NRXN1: variants seen among roughly 807,000 people sequenced by gnomAD.
NRXN1 encodes the protein neurexin 1, also known as neurexin-1.
NRXN1 carries 39 observed loss-of-function variants against 150.9 expected under a neutral mutation model. That is an observed-to-expected ratio of 0.26 (90% CI 0.20 to 0.34). The LOEUF (loss-of-function observed/expected upper bound fraction) is 0.34. Among genes scored for constraint, NRXN1 ranks in the 10% least tolerant of loss-of-function variants. The pLI is 1.00. For synonymous variants in NRXN1, 924 were observed against 757.0 expected, an observed-to-expected ratio of 1.22 and a Z score of -3.62; for missense variants, 1,815 against 1,949.9, an observed-to-expected ratio of 0.93 and a Z score of 1.30.
At chr2:50,801,169 T>G (rs538424454) in intron 5 of NRXN1, among the ~76,000 whole-genome samples, 1 of 152,172 alleles carries the variant, frequency 6.6e-6, no homozygotes, top group Non-Finnish European at 1.5e-5. Context: ...TCAGGCTTAT[T>G]TATGTCAAAG....
chr2:50,396,794 C>T (rs114622646), intron 17 of NRXN1, among the ~76,000 whole-genome samples: 2,230 of 152,090 alleles, frequency 0.015, 55 homozygotes, highest in African/African-American at 0.049. Flanking sequence ...GATGATTTCT[C>T]AAAGAAAAGA....
At position 49,947,781 on chromosome 2, in the gene NRXN1, T is replaced by C. The variant is rs1673215333; in HGVS notation, c.4129-3990A>G. 2.6e-5 allele frequency among the ~76,000 whole-genome samples: 4 copies of C among 152,048 alleles called. No individual in the cohort carries two copies. The South Asian group carries it at 8.3e-4, about 31-fold the overall frequency. On this transcript the variant is annotated intron_variant, in intron 21 of 22. Transcript: ENST00000401669. ...AACATTTAAAAACAGTTCTGTCTTA[T>C]TGTTCTCCTAAAAATATGGACAGCA... is the stretch of plus-strand genomic sequence containing the variant.
chr2:50,263,603 T>C (rs937655785), intron 17 of NRXN1, among the ~76,000 whole-genome samples: 7 of 152,030 alleles, frequency 4.6e-5, no homozygotes, highest in African/African-American at 1.4e-4. Flanking sequence ...ATTAAAAACA[T>C]AGGGACTTAA....
intron 10 of NRXN1, among the ~76,000 whole-genome samples, chr2:50,534,713 A>G (rs1486492432): frequency 6.6e-6 from 1 of 152,208 alleles, no homozygotes; most frequent in African/African-American, 2.4e-5. Flanking sequence ...TATAGATAAA[A>G]GGATCAAAAC....
At chr2:50,253,203 C>T (rs1423842065) in intron 17 of NRXN1, among the ~76,000 whole-genome samples, 4 of 152,046 alleles carry the variant, frequency 2.6e-5, no homozygotes, top group African/African-American at 9.7e-5. Flanking sequence ...CACGATTTGA[C>T]TCTCTCCTTG....
intron 18 of NRXN1, among the ~76,000 whole-genome samples, chr2:50,148,835 A>G (rs1463086114): frequency 6.6e-6 from 1 of 151,738 alleles, no homozygotes. Flanking sequence ...AATTCACCTG[A>G]GTCCTAAGGA....
chr2:50,400,246 C>A (rs2082310633), intron 17 of NRXN1, among the ~76,000 whole-genome samples: 1 of 152,060 alleles, frequency 6.6e-6, no homozygotes, highest in Non-Finnish European at 1.5e-5. Flanking sequence ...ACATATTTCC[C>A]ATATTCCAAT....
chr2:50,583,157 C>T (rs953548172), intron 8 of NRXN1, among the ~76,000 whole-genome samples: 2 of 151,994 alleles, frequency 1.3e-5, no homozygotes, highest in African/African-American at 4.8e-5. Flanking sequence ...TTCAAGCAAG[C>T]CTCCCATTTC....
At chr2:50,634,761 C>T (rs764217989) in intron 5 of NRXN1, among the ~76,000 whole-genome samples, 13 of 152,078 alleles carry the variant, frequency 8.5e-5, no homozygotes, top group Admixed American at 2.6e-4. Flanking sequence ...AAGACCTGGC[C>T]CTTCCAGTTT....
chr2:50,043,394 A>G (rs1691313784), intron 21 of NRXN1, among the ~76,000 whole-genome samples: 1 of 152,198 alleles, frequency 6.6e-6, no homozygotes, highest in African/African-American at 2.4e-5. Context: ...GTCAAGAAAC[A>G]TTACCAACTG....
intron 5 of NRXN1, among the ~76,000 whole-genome samples, chr2:50,916,065 A>T (rs1685174476): frequency 1.4e-5 from 2 of 146,172 alleles, no homozygotes; most frequent in Admixed American, 1.4e-4. Flanking sequence ...AAAATCTGTG[A>T]ATGGTTTCCT....
chr2:50,692,397 T>C (rs2104888230), intron 5 of NRXN1, among the ~76,000 whole-genome samples: 1 of 152,310 alleles, frequency 6.6e-6, no homozygotes, highest in Non-Finnish European at 1.5e-5. Context: ...TATGTGCTTG[T>C]TTTTAGATTG....
chr2:50,430,992 C>T (rs892249511), intron 17 of NRXN1, among the ~76,000 whole-genome samples: 28 of 152,188 alleles, frequency 1.8e-4, no homozygotes, highest in African/African-American at 6.5e-4. Context: ...TGAATGCATA[C>T]ATCACTGCCA....
intron 17 of NRXN1, among the ~76,000 whole-genome samples, chr2:50,343,326 AT>A (rs752564877): frequency 3.3e-5 from 5 of 152,180 alleles, no homozygotes; most frequent in Non-Finnish European, 5.9e-5. Context: ...CTCCCCACAT[AT>A]GGCACATCAC....
intron 2 of NRXN1, among the ~76,000 whole-genome samples, chr2:50,995,122 G>C (rs1699068634): frequency 6.6e-6 from 1 of 151,900 alleles, no homozygotes; most frequent in South Asian, 2.1e-4. Flanking sequence ...ATTTCAGAGA[G>C]AACTGCATTG....
intron 12 of NRXN1, among the ~76,000 whole-genome samples, chr2:50,515,652 C>A (rs906729046): frequency 7.0e-6 from 1 of 141,880 alleles, no homozygotes; most frequent in Non-Finnish European, 1.5e-5. Context: ...TCTGCATGCA[C>A]CTTTGTTAAA....
At chr2:50,262,930 T>TAAAGG in intron 17 of NRXN1, among the ~76,000 whole-genome samples, 1 of 152,008 alleles carries the variant, frequency 6.6e-6, no homozygotes, top group Non-Finnish European at 1.5e-5. Context: ...CCTTCATAGA[T>TAAAGG]ACCCAGTTAA....
At chr2:50,634,295 T>A (rs1682897083) in intron 5 of NRXN1, among the ~76,000 whole-genome samples, 1 of 152,202 alleles carries the variant, frequency 6.6e-6, no homozygotes, top group Admixed American at 6.5e-5. Context: ...TTTATGAAGT[T>A]ATAGAACATA....
At chr2:50,103,161 C>A (rs1339166356) in intron 18 of NRXN1, among the ~76,000 whole-genome samples, 1 of 152,058 alleles carries the variant, frequency 6.6e-6, no homozygotes, top group African/African-American at 2.4e-5. Context: ...CAGGGACTCA[C>A]ATCTTTTTCA....
Sources: gnomAD v4.1 joint callset for allele counts (sites outside exome capture counted in the v4.1 genomes callset) on GRCh38, gnomAD v4.1.1 for gene constraint, MANE v1.5 for transcripts, NCBI Gene and HGNC (gene_info 2026-07-23, HGNC 2026-07-21) for gene names.